Variants in KIAA1328 observed in about 807,000 individuals in gnomAD.
KIAA1328 encodes the protein protein hinderin.
KIAA1328 carries 52 observed loss-of-function variants against 68.1 expected under a neutral mutation model. The ratio of observed to expected loss-of-function variants is 0.76; its 90% CI spans 0.61 to 0.96. The LOEUF (loss-of-function observed/expected upper bound fraction) is 0.96, where lower values mean the gene tolerates loss of function less well. KIAA1328 is among the 40% of genes least tolerant of loss of function. The pLI, the probability that KIAA1328 is intolerant of heterozygous loss-of-function variation, is 0.00. For synonymous variants in KIAA1328, 232 were observed against 239.4 expected, an observed-to-expected ratio of 0.97 and a Z score of 0.28; for missense variants, 641 against 677.6, an observed-to-expected ratio of 0.95 and a Z score of 0.60.
chr18:37,181,824 G>T (rs1325368720), intron 9 of KIAA1328, among the ~76,000 whole-genome samples: 1 of 152,106 alleles, frequency 6.6e-6, no homozygotes, highest in African/African-American at 2.4e-5. Context: ...CTTTTCACAT[G>T]ATTTTTCAAA....
At chr18:36,853,080 A>G (rs1436759203) in intron 4 of KIAA1328, among the ~76,000 whole-genome samples, 1 of 152,156 alleles carries the variant, frequency 6.6e-6, no homozygotes, top group East Asian at 1.9e-4. Context: ...TTTGTTTGAT[A>G]TTAATATAGC....
intron 5 of KIAA1328, among the ~76,000 whole-genome samples, chr18:36,928,870 T>C (rs750949461): frequency 2.0e-5 from 3 of 152,200 alleles, no homozygotes; most frequent in African/African-American, 7.2e-5. Flanking sequence ...TTTGATATGT[T>C]TCCACAGATC....
intron 9 of KIAA1328, among the ~76,000 whole-genome samples, chr18:37,186,222 G>A (rs565880620): frequency 2.1e-5 from 3 of 145,218 alleles, no homozygotes; most frequent in African/African-American, 5.1e-5. Context: ...TCAGCCTCCC[G>A]AGTAGCTGGG....
Position 36,844,192 on chromosome 18 carries a change from ATTT to A in KIAA1328, c.238-6_238-4del. ...TTGGTTTTAGAAAAAGTGTAACTAAATTTTTTTTTTTTAAGAATTCCTGCAGGG... is the reference window on the plus strand; with the variant it reads ...TTGGTTTTAGAAAAAGTGTAACTAAATTTTTTTTTAAGAATTCCTGCAGGG... On this transcript the variant is annotated splice_polypyrimidine_tract_variant and intron_variant, in intron 3 of 9. Coordinates refer to ENST00000280020, the MANE Select transcript of KIAA1328 (RefSeq NM_020776.3). 8.6e-7 allele frequency: 1 copy of A among 1,161,294 alleles called. No individual in the cohort carries two copies. The highest frequency in any genetic ancestry group is 1.2e-6 in the Non-Finnish European group (1 of 843,302). The allele number at this position is 1,161,294 out of a possible 1,614,324, so 71.9% of individuals were successfully genotyped here.
In KIAA1328 at chr18:37,166,037, A is replaced by ATT. The variant is rs1157622407; in HGVS notation, c.1414+5672_1414+5673dup. On this transcript the variant is annotated intron_variant, in intron 8 of 9. Transcript: ENST00000280020. ...CTGATTGGGAGATATTGGGGTGGTA[A>ATT]TTTTTTTTTTTTTTTTTGGTAATGA... Among the ~76,000 whole-genome samples, 325 of 136,112 alleles carry ATT rather than the reference A, an allele frequency of 2.4e-3. 2 individuals are homozygous for ATT. The highest frequency in any genetic ancestry group is 7.4e-3 in the African/African-American group (269 of 36,590). The allele number at this position is 136,112 out of a possible 152,430, so 89.3% of individuals were successfully genotyped here. A position where few individuals can be genotyped will look rare whatever the true frequency, so the allele number is the denominator to read the frequency against.
chr18:36,946,516 A>G (rs1362449083), intron 5 of KIAA1328: 2 of 152,188 alleles, frequency 1.3e-5, no homozygotes, highest in Non-Finnish European at 2.9e-5. Flanking sequence ...CAAGACCCAC[A>G]GGTAATTCTT....
intron 6 of KIAA1328, among the ~76,000 whole-genome samples, chr18:37,005,752 A>G (rs1361271195): frequency 6.6e-6 from 1 of 152,178 alleles, no homozygotes; most frequent in East Asian, 1.9e-4. Flanking sequence ...TATATCTACA[A>G]TGGAATACTA....
intron 6 of KIAA1328, among the ~76,000 whole-genome samples, chr18:37,038,050 G>T (rs1354615338): frequency 1.3e-5 from 2 of 151,950 alleles, no homozygotes; most frequent in Non-Finnish European, 2.9e-5. Context: ...GCAGTGAGGT[G>T]AGATCGTGCC....
chr18:36,944,108 T>A (rs999101878), intron 5 of KIAA1328, among the ~76,000 whole-genome samples: 1 of 152,222 alleles, frequency 6.6e-6, no homozygotes, highest in Non-Finnish European at 1.5e-5. Context: ...TTGTCTTACC[T>A]ACACTTCATA....
At chr18:37,030,746 A>G (rs1230239737) in intron 6 of KIAA1328, among the ~76,000 whole-genome samples, 1 of 152,092 alleles carries the variant, frequency 6.6e-6, no homozygotes, top group Non-Finnish European at 1.5e-5. Flanking sequence ...GGTTTGTTAC[A>G]TATGTATACA....
intron 4 of KIAA1328, among the ~76,000 whole-genome samples, chr18:36,850,099 A>T (rs1346510239): frequency 6.6e-6 from 1 of 151,854 alleles, no homozygotes; most frequent in African/African-American, 2.4e-5. Flanking sequence ...TGGATGATAG[A>T]TCATTATCAG....
At chr18:37,138,157 G>T (rs1002096009) in intron 7 of KIAA1328, among the ~76,000 whole-genome samples, 1 of 152,124 alleles carries the variant, frequency 6.6e-6, no homozygotes, top group African/African-American at 2.4e-5. Flanking sequence ...TAGTGTATAT[G>T]TGCTGAGCAT....
downstream of KIAA1328, among the ~76,000 whole-genome samples, chr18:37,227,339 CAATGTA>C (rs1428464202): frequency 2.6e-5 from 4 of 152,168 alleles, no homozygotes; most frequent in Non-Finnish European, 4.4e-5. Flanking sequence ...AATGGATTTT[CAATGTA>C]AATTAAACAG....
At chr18:36,978,855 G>A (rs1172996856) in intron 6 of KIAA1328, among the ~76,000 whole-genome samples, 1 of 152,156 alleles carries the variant, frequency 6.6e-6, no homozygotes, top group African/African-American at 2.4e-5. Context: ...CGGCTGACTA[G>A]TATTGCCTTA....
chr18:37,129,709 T>C (rs2058476782), intron 7 of KIAA1328, among the ~76,000 whole-genome samples: 1 of 152,158 alleles, frequency 6.6e-6, no homozygotes, highest in African/African-American at 2.4e-5. Flanking sequence ...AATCATAATA[T>C]GGCAAATGAT....
intron 9 of KIAA1328, among the ~76,000 whole-genome samples, chr18:37,191,068 G>C (rs2059895829): frequency 6.6e-6 from 1 of 151,992 alleles, no homozygotes; most frequent in Non-Finnish European, 1.5e-5. Context: ...TTCATTTCTT[G>C]TTTAACAACA....
At chr18:37,061,282 T>C (rs1053915244) in intron 6 of KIAA1328, among the ~76,000 whole-genome samples, 4 of 152,178 alleles carry the variant, frequency 2.6e-5, no homozygotes, top group Non-Finnish European at 5.9e-5. Context: ...ATAAGCAAAA[T>C]GAATCTGGTC....
At chr18:36,900,246 C>A (rs1454082646) in intron 5 of KIAA1328, among the ~76,000 whole-genome samples, 1 of 151,890 alleles carries the variant, frequency 6.6e-6, no homozygotes, top group Non-Finnish European at 1.5e-5. Flanking sequence ...AAGGTTAGCC[C>A]TTCTCATGAT....
intron 9 of KIAA1328, among the ~76,000 whole-genome samples, chr18:37,203,220 C>T (rs958073913): frequency 3.9e-5 from 6 of 151,910 alleles, no homozygotes; most frequent in African/African-American, 1.4e-4. Context: ...TAAACAGATC[C>T]ACCCAATCTC....
Sources: allele counts gnomAD v4.1 joint callset (sites outside exome capture counted in the v4.1 genomes callset), GRCh38; gene constraint gnomAD v4.1.1; transcripts MANE v1.5; gene names NCBI Gene and HGNC (gene_info 2026-07-23, HGNC 2026-07-21).